Variants in AACS observed in about 807,000 individuals in gnomAD.
The protein encoded by AACS is acetoacetyl-CoA synthetase.
AACS carries 69 observed loss-of-function variants against 83.1 expected under a neutral mutation model. The ratio of observed to expected loss-of-function variants is 0.83; its 90% CI spans 0.68 to 1.01. The LOEUF (loss-of-function observed/expected upper bound fraction) is 1.01, where lower values mean the gene tolerates loss of function less well. AACS is among the 50% of genes least tolerant of loss of function. The pLI is 0.00. For missense variants in AACS, 866 were observed against 882.2 expected, an observed-to-expected ratio of 0.98 and a Z score of 0.23; for synonymous variants, 333 against 343.4, an observed-to-expected ratio of 0.97 and a Z score of 0.33.
At chr12:125,107,026 G>A (rs1956848033) in intron 7 of AACS, 95 bp from the exon 8 acceptor site, 1 of 1,554,086 alleles carries the variant, frequency 6.4e-7, no homozygotes, top group African/African-American at 1.4e-5. Flanking sequence ...CTTTTCTGGG[G>A]GTAGAAACAG....
intron 8 of AACS, among the ~76,000 whole-genome samples, chr12:125,114,255 A>C (rs938895145): frequency 6.6e-6 from 1 of 151,708 alleles, no homozygotes; most frequent in Admixed American, 6.6e-5. Flanking sequence ...TCCTCTCCAG[A>C]CTACAAGCCA....
Position 125,091,472 on chromosome 12 carries a change from G to A in AACS, c.519G>A (p.Ala173=), listed in dbSNP as rs781417954. The A allele has an allele frequency of 8.1e-6, 13 of 1,614,102 alleles. No homozygotes were observed. Among genetic ancestry groups the A allele is most frequent in the Admixed American group, 1.7e-5 (1 of 60,010 alleles). The part of the protein sequence containing the change: ...SEHAVEAMLA[A]ASIGAIWSST... ...ACGCTGTCGAGGCGATGCTGGCTGC[G>A]GCAAGCATTGGTGCCATCTGGAGCT... is the stretch of plus-strand genomic sequence containing the variant. Residue 173 remains alanine (A), a synonymous_variant, in exon 5 of 18, where the codon GCG becomes GCA. Coordinates refer to ENST00000316519, the MANE Select transcript of AACS (RefSeq NM_023928.5).
chr12:125,118,863 CG>C, intron 10 of AACS, 98 bp downstream of exon 10: 1 of 1,498,034 alleles, frequency 6.7e-7, no homozygotes, highest in Admixed American at 2.1e-5. Flanking sequence ...CTACCGTGGT[CG>C]GGGCGTCTCC....
intron 8 of AACS, among the ~76,000 whole-genome samples, chr12:125,112,150 A>G (rs1474990721): frequency 6.6e-6 from 1 of 152,184 alleles, no homozygotes; most frequent in Non-Finnish European, 1.5e-5. Context: ...AGTTCCTGAA[A>G]AGTTTGTCAC....
Position 125,142,131 on chromosome 12 carries a change from CAG to C in AACS, c.1923_1924del (p.Gln641HisfsTer27), listed in dbSNP as rs1258576549. On this transcript the variant is annotated frameshift_variant, in exon 18 of 18. Transcript: ENST00000316519. LOFTEE classifies it high-confidence loss of function. ...NGKKVEVAVK[Q>X]IIAGKAVEQG... is the part of the protein sequence containing the mutation. ...CAAGAAAGTGGAAGTTGCCGTCAAA[CAG>C]ATCATCGCTGGAAAAGCCGTGGAGC... 14 of 1,614,036 alleles carry C rather than the reference CAG, an allele frequency of 8.7e-6. No homozygotes were observed. Among genetic ancestry groups the C allele is most frequent in the Non-Finnish European group, 1.2e-5 (14 of 1,180,040 alleles).
intron 2 of AACS, 52 bp from the exon 3 acceptor site, chr12:125,076,439 C>A: frequency 1.3e-6 from 2 of 1,593,318 alleles, no homozygotes; most frequent in South Asian, 1.1e-5. Flanking sequence ...TTTTGCTGAT[C>A]TGTAGCGTAG....
At chr12:125,071,168 C>G (rs1208483524) in intron 1 of AACS, among the ~76,000 whole-genome samples, 2 of 152,156 alleles carry the variant, frequency 1.3e-5, no homozygotes, top group African/African-American at 4.8e-5. Flanking sequence ...GAGACATCTG[C>G]CATATGCCAC....
chr12:125,109,664 A>G (rs1026564997), intron 8 of AACS, among the ~76,000 whole-genome samples: 1 of 152,114 alleles, frequency 6.6e-6, no homozygotes, highest in Non-Finnish European at 1.5e-5. Context: ...CCCCTCATCT[A>G]TGGTCCACAG....
chr12:125,076,404 T>C, intron 2 of AACS, 87 bp from the exon 3 acceptor site: 2 of 1,544,446 alleles, frequency 1.3e-6, no homozygotes, highest in Non-Finnish European at 1.8e-6. Context: ...GAACCACTTT[T>C]GCTGATTTGT....
chr12:125,141,798 C>A, intron 17 of AACS: 1 of 314,946 alleles, frequency 3.2e-6, no homozygotes, highest in Non-Finnish European at 5.7e-6. Context: ...ACAGCCGTGC[C>A]AGGGGGCGGG....
At position 125,130,909 on chromosome 12, in the gene AACS, TAA is replaced by T. The variant is rs1957320796; in HGVS notation, c.1549+1450_1549+1451del. ...TATGGAAAGACAAAGGCAGATCAGA[TAA>T]TGAGATCTGAAGCTGTTTATCATGG... On this transcript the variant is annotated intron_variant, in intron 14 of 17. Transcript: ENST00000316519. This position sits in a 1 kb window ranked among gnomAD's most constrained non-coding sequence, Gnocchi z 4.9. Among the ~76,000 whole-genome samples, 1 of 152,170 alleles carries T rather than the reference TAA, an allele frequency of 6.6e-6. No homozygotes were observed. Among genetic ancestry groups the T allele is most frequent in the Non-Finnish European group, 1.5e-5 (1 of 68,044 alleles).
At chr12:125,126,806 C>G (rs1489568093) in intron 12 of AACS, 1 of 152,014 alleles carries the variant, frequency 6.6e-6, no homozygotes, top group Non-Finnish European at 1.5e-5. Context: ...TGTTCTTGAA[C>G]TCCTAACCTC....
intron 17 of AACS, 50 bp downstream of exon 17, chr12:125,136,914 C>A: frequency 1.3e-6 from 2 of 1,580,872 alleles, no homozygotes; most frequent in Non-Finnish European, 1.7e-6. Flanking sequence ...GCCCCACGAG[C>A]CCACACATTG....
At chr12:125,070,333 G>A (rs1042013824) in intron 1 of AACS, among the ~76,000 whole-genome samples, 27 of 152,138 alleles carry the variant, frequency 1.8e-4, no homozygotes, top group African/African-American at 6.0e-4. Context: ...ACAGCAGTGC[G>A]CTGGGTTTAG....
At chr12:125,125,076 G>A (rs758009922) in intron 12 of AACS, 52 bp downstream of exon 12, 1 of 1,611,740 alleles carries the variant, frequency 6.2e-7, no homozygotes, top group Non-Finnish European at 8.5e-7. Flanking sequence ...GGCCCCATAA[G>A]TATGCACACC....
chr12:125,068,283 C>T (rs1955759214), intron 1 of AACS, among the ~76,000 whole-genome samples: 1 of 152,040 alleles, frequency 6.6e-6, no homozygotes, highest in South Asian at 2.1e-4. Context: ...ATGGTGAAAC[C>T]CCCATCTCTA....
chr12:125,085,402 A>G (rs544035899), intron 3 of AACS, among the ~76,000 whole-genome samples: 1 of 152,158 alleles, frequency 6.6e-6, no homozygotes, highest in Non-Finnish European at 1.5e-5. Flanking sequence ...TCGTGGAACC[A>G]CACACGTGCA....
In AACS at chr12:125,094,166, G is replaced by A. The variant is rs1485103059; in HGVS notation, c.570+2643G>A. On this transcript the variant is annotated intron_variant, in intron 5 of 17. Transcript: ENST00000316519. The surrounding 1 kb of genome is among the most constrained non-coding windows in gnomAD (Gnocchi z 4.1). Reference sequence around the variant, plus strand: ...GCCAAGGCTGATGGGTTCTGGGCTCGTGGACAGTTCCTGCATCGGTTTGCA... The same window carrying A: ...GCCAAGGCTGATGGGTTCTGGGCTCATGGACAGTTCCTGCATCGGTTTGCA... 2.0e-5 allele frequency among the ~76,000 whole-genome samples: 3 copies of A among 152,158 alleles called. No individual in the cohort carries two copies. The highest frequency in any genetic ancestry group is 2.9e-5 in the Non-Finnish European group (2 of 68,030).
At chr12:125,083,825 T>A (rs1956261199) in intron 3 of AACS, among the ~76,000 whole-genome samples, 1 of 152,006 alleles carries the variant, frequency 6.6e-6, no homozygotes, top group South Asian at 2.1e-4. Context: ...GGCTAAGTTT[T>A]ATATTTTTAG....
Sources: gnomAD v4.1 joint callset for allele counts (sites outside exome capture counted in the v4.1 genomes callset) on GRCh38, gnomAD v4.1.1 for gene constraint, Gnocchi (gnomAD v3.1) non-coding constraint, MANE v1.5 for transcripts, NCBI Gene and HGNC (gene_info 2026-07-23, HGNC 2026-07-21) for gene names.